Variants in HELZ observed in about 807,000 individuals in gnomAD.
HELZ encodes helicase with zinc finger, also known as ATP-dependent RNA helicase with zinc finger domain.
HELZ carries 23 observed loss-of-function variants against 218.2 expected under a neutral mutation model. That is an observed-to-expected ratio of 0.11 (90% CI 0.08 to 0.15). HELZ has a LOEUF of 0.15. Ranked by LOEUF, HELZ falls within the 10% of genes least tolerant of loss-of-function variation. The probability of loss-of-function intolerance (pLI) is 1.00; values close to 1 mark genes in which losing one functional copy is unlikely to be tolerated. For synonymous variants in HELZ, 814 were observed against 829.4 expected (o/e 0.98, Z 0.32); for missense variants, 1,813 against 2,353.7 (o/e 0.77, Z 4.75).
At chr17:67,116,030 G>C (rs558850000) in intron 27 of HELZ, among the ~76,000 whole-genome samples, 2 of 152,106 alleles carry the variant, frequency 1.3e-5, no homozygotes, top group South Asian at 2.1e-4. Flanking sequence ...TAGCATACAG[G>C]CTAGGAGAGA....
intron 3 of HELZ, among the ~76,000 whole-genome samples, chr17:67,237,057 T>C (rs1482009528): frequency 3.9e-5 from 6 of 152,154 alleles, no homozygotes; most frequent in African/African-American, 1.4e-4. Context: ...ACAAAGAACC[T>C]GGCCGGGCGT....
intron 23 of HELZ, among the ~76,000 whole-genome samples, chr17:67,132,824 C>T (rs1394850306): frequency 6.6e-6 from 1 of 152,118 alleles, no homozygotes; most frequent in African/African-American, 2.4e-5. Context: ...GTATAATATA[C>T]ACAGTAAGTA....
chr17:67,084,707 A>T (rs1385830266), intron 32 of HELZ, among the ~76,000 whole-genome samples: 1 of 152,084 alleles, frequency 6.6e-6, no homozygotes, highest in African/African-American at 2.4e-5. Context: ...AAATGATGTT[A>T]TCGTAAAAAA....
At chr17:67,112,313 G>A (rs2037303067) in intron 28 of HELZ, among the ~76,000 whole-genome samples, 1 of 152,198 alleles carries the variant, frequency 6.6e-6, no homozygotes. Flanking sequence ...TTTAAAACAA[G>A]GACATGAGAG....
chr17:67,104,364 G>C (rs1471196807), intron 31 of HELZ, among the ~76,000 whole-genome samples: 1 of 151,850 alleles, frequency 6.6e-6, no homozygotes. Context: ...GCGTGAACCC[G>C]GGAGGCGGAG....
chr17:67,241,134 G>T (rs927770459), intron 2 of HELZ, among the ~76,000 whole-genome samples: 4 of 152,262 alleles, frequency 2.6e-5, no homozygotes, highest in South Asian at 2.1e-4. Flanking sequence ...CTCTCCACTT[G>T]TATCACTTTT....
rs753918213 is a variant in HELZ at position 67,107,453 on chromosome 17, G to A, written c.4957C>T (p.Leu1653Phe). The A allele has an allele frequency of 6.2e-7, 1 of 1,614,192 alleles. No homozygotes were observed. The highest frequency in any genetic ancestry group is 8.5e-7 in the Non-Finnish European group (1 of 1,180,044). Residue 1653 changes from leucine to phenylalanine, a missense_variant, in exon 31 of 33, where the codon CTC (leucine) becomes TTC (phenylalanine). This residue lies in a region of HELZ where 938 missense variants were observed against 1,027.5 expected (regional missense o/e 0.91). Transcript: ENST00000358691. ...GGTGAGTTGAATATCTGGGGTGGGA[G>A]GCGCTGTGGAAATGCTGGGTTGCTG... is the stretch of plus-strand genomic sequence containing the variant. ...VASNPAFPQR[L>F]PPQIFNSPFS...
chr17:67,151,864 C>T lies in HELZ; in HGVS notation c.2178-640G>A, dbSNP rs932927169. 1.7e-4 allele frequency among the ~76,000 whole-genome samples: 26 copies of T among 152,142 alleles called. 1 individual carries two copies. Among genetic ancestry groups the T allele is most frequent in the Admixed American group, 1.7e-3 (26 of 15,274 alleles). On this transcript the variant is annotated intron_variant, in intron 17 of 32. Coordinates refer to ENST00000358691, the MANE Select transcript of HELZ (RefSeq NM_014877.4). The stretch of plus-strand genomic sequence containing the variant: ...GATTATTAAAATGACACAGAAATGA[C>T]TCATCCATCCATCTACTCATCCACC...
At chr17:67,143,324 T>G (rs2038391791) in intron 21 of HELZ, among the ~76,000 whole-genome samples, 1 of 152,142 alleles carries the variant, frequency 6.6e-6, no homozygotes, top group South Asian at 2.1e-4. Flanking sequence ...GAACTATACC[T>G]TGGCCCGGTG....
chr17:67,097,620 T>C (rs2036789818), intron 31 of HELZ, among the ~76,000 whole-genome samples: 1 of 152,200 alleles, frequency 6.6e-6, no homozygotes, highest in Non-Finnish European at 1.5e-5. Flanking sequence ...CAATATTACA[T>C]CTCAGAGAAA....
intron 5 of HELZ, among the ~76,000 whole-genome samples, chr17:67,206,626 T>C (rs1250682369): frequency 6.6e-6 from 1 of 151,752 alleles, no homozygotes; most frequent in African/African-American, 2.4e-5. Context: ...AAGACGGAGT[T>C]TCACTCTTGT....
intron 21 of HELZ, among the ~76,000 whole-genome samples, chr17:67,145,177 G>C (rs1465449654): frequency 6.6e-6 from 1 of 152,148 alleles, no homozygotes; most frequent in Non-Finnish European, 1.5e-5. Context: ...CTTAACTCCA[G>C]GGTTTCTGGT....
At position 67,174,168 on chromosome 17, in the gene HELZ, T is replaced by G. The variant is rs1044278514; in HGVS notation, c.1430+4491A>C. Among the ~76,000 whole-genome samples, 7 of 149,878 alleles carry G rather than the reference T, an allele frequency of 4.7e-5. No individual in the cohort carries two copies. The South Asian group carries it at 1.5e-3, about 32-fold the overall frequency. ...CACACTAAAACAACCTAAGAAGAAATTTCTGGACTGCTTTGAAAAAAATCA... is the reference window on the plus strand; with the variant it reads ...CACACTAAAACAACCTAAGAAGAAAGTTCTGGACTGCTTTGAAAAAAATCA... On this transcript the variant is annotated intron_variant, in intron 13 of 32. Coordinates refer to ENST00000358691, the MANE Select transcript of HELZ (RefSeq NM_014877.4).
At chr17:67,131,479 C>T (rs1172596195) in intron 23 of HELZ, among the ~76,000 whole-genome samples, 1 of 151,902 alleles carries the variant, frequency 6.6e-6, no homozygotes, top group East Asian at 1.9e-4. Context: ...TTAAAAGTAA[C>T]ATTAACTACT....
chr17:67,099,258 T>C (rs905703726), intron 31 of HELZ, among the ~76,000 whole-genome samples: 3 of 152,214 alleles, frequency 2.0e-5, no homozygotes, highest in African/African-American at 7.2e-5. Flanking sequence ...GCCAATCAGA[T>C]TGTTCCTTTA....
At chr17:67,195,869 T>TTTG (rs1567881766) in intron 7 of HELZ, among the ~76,000 whole-genome samples, 2 of 134,818 alleles carry the variant, frequency 1.5e-5, no homozygotes, top group South Asian at 2.3e-4. Context: ...TTTTTTTTTT[T>TTTG]GGGACAAAGT....
intron 21 of HELZ, among the ~76,000 whole-genome samples, chr17:67,142,758 T>C (rs2038368576): frequency 6.8e-6 from 1 of 146,692 alleles, no homozygotes; most frequent in African/African-American, 2.5e-5. Flanking sequence ...TATTTATTTA[T>C]TTTATTTTAT....
chr17:67,123,713 G>A (rs995839750), intron 25 of HELZ, among the ~76,000 whole-genome samples: 1 of 151,946 alleles, frequency 6.6e-6, no homozygotes, highest in African/African-American at 2.4e-5. Context: ...CTCTGGATAT[G>A]TACATGAATA....
intron 12 of HELZ, among the ~76,000 whole-genome samples, chr17:67,185,598 T>G (rs1031250329): frequency 2.0e-5 from 3 of 152,194 alleles, no homozygotes; most frequent in African/African-American, 7.2e-5. Context: ...AAAACCTAGA[T>G]CTAAGTTTTC....
Sources: gnomAD v4.1 joint callset for allele counts (sites outside exome capture counted in the v4.1 genomes callset) on GRCh38, gnomAD v4.1.1 for gene constraint, gnomAD v4.1.1 regional missense constraint, MANE v1.5 for transcripts, NCBI Gene and HGNC (gene_info 2026-07-23, HGNC 2026-07-21) for gene names.